The following NEGR1 variants were observed in gnomAD, a reference collection of about 807,000 sequenced individuals.
The protein encoded by NEGR1 is neuronal growth regulator 1.
In NEGR1, 10 loss-of-function variants were observed where a neutral mutation model predicts 40.9. The observed-to-expected ratio is 0.24, with a 90% CI of 0.15 to 0.42. The LOEUF (loss-of-function observed/expected upper bound fraction) is 0.42. Ranked by LOEUF, NEGR1 falls within the 10% of genes least tolerant of loss-of-function variation. The pLI, the probability that NEGR1 is intolerant of heterozygous loss-of-function variation, is 1.00. For synonymous variants in NEGR1, 185 were observed against 166.8 expected (o/e 1.11, Z -0.84); for missense variants, 352 against 438.9 (o/e 0.80, Z 1.77).
intron 1 of NEGR1, among the ~76,000 whole-genome samples, chr1:71,995,101 T>A (rs1351960016): frequency 9.9e-5 from 15 of 152,076 alleles, no homozygotes; most frequent in Non-Finnish European, 2.1e-4. Context: ...GAGCTCAATG[T>A]ATAAGCAAGT....
chr1:71,815,805 C>T (rs1465783614), intron 2 of NEGR1, among the ~76,000 whole-genome samples: 2 of 152,132 alleles, frequency 1.3e-5, no homozygotes, highest in East Asian at 1.9e-4. Context: ...AAATCCATCA[C>T]GAACATCCTC....
At chr1:71,898,981 C>CATATATATATATATAT (rs55674579) in intron 2 of NEGR1, among the ~76,000 whole-genome samples, 6 of 51,300 alleles carry the variant, frequency 1.2e-4, no homozygotes, top group Non-Finnish European at 2.0e-4. Flanking sequence ...ATATATATAG[C>CATATATATATATATAT]ATATATATAT....
intron 1 of NEGR1, among the ~76,000 whole-genome samples, chr1:72,206,681 T>TAAATGAAA (rs1653410421): frequency 6.6e-6 from 1 of 152,122 alleles, no homozygotes; most frequent in African/African-American, 2.4e-5. Context: ...AAGTCATGTT[T>TAAATGAAA]CATTTTATGA....
At chr1:71,690,924 A>G (rs192347163) in intron 4 of NEGR1, among the ~76,000 whole-genome samples, 1 of 152,144 alleles carries the variant, frequency 6.6e-6, no homozygotes, top group Non-Finnish European at 1.5e-5. Flanking sequence ...GTTAAAGGAA[A>G]GAAATTGTTT....
chr1:72,014,118 T>C (rs928727064), intron 1 of NEGR1, among the ~76,000 whole-genome samples: 3 of 152,012 alleles, frequency 2.0e-5, no homozygotes, highest in South Asian at 4.1e-4. Flanking sequence ...TTTTTTTGTA[T>C]GCAGATTTCC....
Position 72,181,937 on chromosome 1 carries a change from T to C in NEGR1, c.176+100382A>G, listed in dbSNP as rs1001510724. On this transcript the variant is annotated intron_variant, in intron 1 of 6. Transcript: ENST00000357731. ...GAGGTGTATCTCAGAGGATACAAAGTAGCAGATGTGTAGAATGAACAAGTC... is the reference window on the plus strand; with the variant it reads ...GAGGTGTATCTCAGAGGATACAAAGCAGCAGATGTGTAGAATGAACAAGTC... 2.6e-5 allele frequency among the ~76,000 whole-genome samples: 4 copies of C among 152,110 alleles called. No homozygotes were observed. In the East Asian group the frequency reaches 7.7e-4, roughly 29 times the overall value.
chr1:71,916,130 G>A (rs116742283), intron 2 of NEGR1, among the ~76,000 whole-genome samples: 1,999 of 152,112 alleles, frequency 0.013, 16 homozygotes, highest in Non-Finnish European at 0.02. Context: ...GGGAGTGGGG[G>A]TTTCCCTGCC....
At chr1:71,703,084 AAAAC>A (rs888916417) in intron 3 of NEGR1, 6 of 152,218 alleles carry the variant, frequency 3.9e-5, no homozygotes, top group African/African-American at 1.2e-4. Flanking sequence ...TCTGAAAAAA[AAAAC>A]AAACAAACAA....
chr1:71,529,797 C>T (rs550784698), intron 6 of NEGR1, among the ~76,000 whole-genome samples: 3 of 151,022 alleles, frequency 2.0e-5, no homozygotes, highest in Non-Finnish European at 3.0e-5. Flanking sequence ...TTGTGAAAAA[C>T]GCCCCTTACC....
intron 2 of NEGR1, among the ~76,000 whole-genome samples, chr1:71,786,258 T>A (rs191808946): frequency 1.0e-3 from 158 of 152,196 alleles, no homozygotes; most frequent in Non-Finnish European, 1.8e-3. Flanking sequence ...TTATTAATAG[T>A]TTGATATATT....
chr1:71,684,176 A>G (rs974594609), intron 4 of NEGR1, among the ~76,000 whole-genome samples: 6 of 151,934 alleles, frequency 3.9e-5, no homozygotes, highest in Non-Finnish European at 7.4e-5. Context: ...AGGCTGAGGT[A>G]GGAGAATGAC....
intron 1 of NEGR1, among the ~76,000 whole-genome samples, chr1:72,095,115 A>AT (rs1311458142): frequency 7.2e-5 from 11 of 152,222 alleles, no homozygotes; most frequent in African/African-American, 2.4e-4. Flanking sequence ...GATATGCCTA[A>AT]TTTTTTAACC....
chr1:72,045,492 T>C (rs980382320), intron 1 of NEGR1, among the ~76,000 whole-genome samples: 1 of 151,752 alleles, frequency 6.6e-6, no homozygotes, highest in Non-Finnish European at 1.5e-5. Context: ...TCCTGTGCTG[T>C]TCTCCTGATA....
intron 3 of NEGR1, among the ~76,000 whole-genome samples, chr1:71,763,178 T>C (rs1656007263): frequency 6.6e-6 from 1 of 152,176 alleles, no homozygotes; most frequent in Non-Finnish European, 1.5e-5. Flanking sequence ...TATAGAAATA[T>C]ACACAAACAT....
chr1:71,624,826 A>G (rs539125310), intron 4 of NEGR1, among the ~76,000 whole-genome samples: 7 of 151,928 alleles, frequency 4.6e-5, no homozygotes, highest in Non-Finnish European at 8.8e-5. Flanking sequence ...CTTCTTAACC[A>G]TCCTTACTGT....
intron 3 of NEGR1, among the ~76,000 whole-genome samples, chr1:71,706,002 T>C (rs1013535505): frequency 6.6e-6 from 1 of 152,176 alleles, no homozygotes; most frequent in African/African-American, 2.4e-5. Context: ...AACACTTTCA[T>C]AAGAACCAAA....
intron 4 of NEGR1, among the ~76,000 whole-genome samples, chr1:71,618,662 T>A (rs1182140001): frequency 1.3e-5 from 2 of 152,086 alleles, no homozygotes; most frequent in African/African-American, 2.4e-5. Flanking sequence ...TACAATATAA[T>A]AATAATAGAA....
At chr1:71,631,796 C>A (rs1272536282) in intron 4 of NEGR1, among the ~76,000 whole-genome samples, 1 of 151,490 alleles carries the variant, frequency 6.6e-6, no homozygotes, top group Non-Finnish European at 1.5e-5. Flanking sequence ...CTTCAGTGGA[C>A]AAAAGAGGAT....
intron 3 of NEGR1, among the ~76,000 whole-genome samples, chr1:71,769,214 A>T (rs1355754836): frequency 2.6e-5 from 4 of 151,742 alleles, no homozygotes; most frequent in Non-Finnish European, 5.9e-5. Flanking sequence ...ATACAATCAT[A>T]TGTAATACAA....
Sources: gnomAD v4.1 joint callset for allele counts (sites outside exome capture counted in the v4.1 genomes callset) on GRCh38, gnomAD v4.1.1 for gene constraint, MANE v1.5 for transcripts, NCBI Gene and HGNC (gene_info 2026-07-23, HGNC 2026-07-21) for gene names.